The following DNAH7 variants were observed in gnomAD, a reference collection of about 807,000 sequenced individuals.
The protein encoded by DNAH7 is dynein axonemal heavy chain 7, also known as axonemal beta dynein heavy chain 7.
A neutral mutation model predicts 444.6 loss-of-function variants in DNAH7; 397 were observed. The observed-to-expected ratio is 0.89, with a 90% CI of 0.82 to 0.97. The LOEUF (loss-of-function observed/expected upper bound fraction) is 0.97. DNAH7 is among the 50% of genes least tolerant of loss of function. DNAH7 has a pLI of 0.00. For synonymous variants in DNAH7, 1,636 were observed against 1,624.4 expected (o/e 1.01, Z -0.17); for missense variants, 4,902 against 4,800.8 (o/e 1.02, Z -0.62).
intron 9 of DNAH7, among the ~76,000 whole-genome samples, chr2:196,013,594 A>G (rs1414499774): frequency 6.6e-6 from 1 of 152,204 alleles, no homozygotes; most frequent in African/African-American, 2.4e-5. Context: ...TGGTTAGTAA[A>G]TAAAACACAT....
rs1427828183 is a variant in DNAH7, at chr2:195,794,400, T to C, written c.10654A>G (p.Ile3552Val). 4.3e-6 allele frequency: 7 copies of C among 1,614,158 alleles called. No homozygotes were observed. The highest frequency in any genetic ancestry group is 3.3e-5 in the Admixed American group (2 of 60,024). Residue 3552 changes from isoleucine to valine, a missense_variant, in exon 57 of 65, where the codon ATT becomes GTT. Ile to Val is a conservative substitution (Grantham distance 29). Transcript: ENST00000312428. ...ATCGGGTCCATGAGGTATGATCGAA[T>C]GATATTAGCCCGTAAACCTTTTGGT... ...EAPKGLRANI[I>V]RSYLMDPISD...
At position 195,884,597 on chromosome 2, in the gene DNAH7, T is replaced by G; in HGVS notation, c.5751A>C (p.Gln1917His). The G allele has an allele frequency of 6.2e-7, 1 of 1,613,752 alleles. No homozygotes were observed. Among genetic ancestry groups the G allele is most frequent in the Non-Finnish European group, 8.5e-7 (1 of 1,179,712 alleles). Residue 1917 changes from glutamine to histidine, a missense_variant, in exon 35 of 65, where the codon CAA becomes CAC. Transcript: ENST00000312428. ...TCAGAACTCTTACCTCAGTGACAAA[T>G]TGATAATCATAAATTGTTCCTTTTT... ...FPEKGTIYDYQFVTEGIGKWE... is the reference protein window; with the variant it reads ...FPEKGTIYDYHFVTEGIGKWE...
At chr2:195,889,679 AT>A (rs1644253439) in intron 31 of DNAH7, among the ~76,000 whole-genome samples, 2 of 152,228 alleles carry the variant, frequency 1.3e-5, no homozygotes, top group South Asian at 2.1e-4. Flanking sequence ...TAAGTAAAAA[AT>A]ATCTACTTTC....
chr2:195,936,996 C>G (rs987230060), intron 19 of DNAH7, among the ~76,000 whole-genome samples: 17 of 151,988 alleles, frequency 1.1e-4, no homozygotes, highest in Non-Finnish European at 2.9e-5. Context: ...TTGATTTAAT[C>G]CTCAGCCCTG....
intron 61 of DNAH7, among the ~76,000 whole-genome samples, chr2:195,764,593 T>C (rs1694488478): frequency 2.0e-5 from 3 of 151,878 alleles, no homozygotes; most frequent in South Asian, 4.2e-4. Context: ...ATGCCAAGAG[T>C]GAACAATCTG....
chr2:195,763,061 T>G (rs918842859), intron 61 of DNAH7, among the ~76,000 whole-genome samples: 2 of 152,132 alleles, frequency 1.3e-5, no homozygotes, highest in South Asian at 4.1e-4. Flanking sequence ...AAGAGGAATT[T>G]TGGAAACTAT....
rs117129672 is a variant in DNAH7 at position 196,032,247 on chromosome 2, A to G, written c.399-4200T>C. ...CGGGAGAAACCATCCCCATGATTCA[A>G]TTATGTCCCACCAGGTCTCTCCCAC... On this transcript the variant is annotated intron_variant, in intron 5 of 64. Transcript: ENST00000312428. Among the ~76,000 whole-genome samples, 2,981 of 152,286 alleles carry G rather than the reference A, an allele frequency of 0.02. 248 individuals carry two copies. The East Asian group carries it at 0.27, about 14-fold the overall frequency.
chr2:195,917,803 C>A (rs988461448), intron 24 of DNAH7, among the ~76,000 whole-genome samples: 1 of 152,254 alleles, frequency 6.6e-6, no homozygotes, highest in African/African-American at 2.4e-5. Flanking sequence ...TAAAGGTGTG[C>A]ACCACCATAC....
chr2:195,940,592 C>T (rs1355654281), intron 19 of DNAH7, among the ~76,000 whole-genome samples: 3 of 152,078 alleles, frequency 2.0e-5, no homozygotes, highest in East Asian at 1.9e-4. Flanking sequence ...GAACAGGCAA[C>T]CTACAGAATG....
chr2:196,045,132 T>A (rs1170555801), intron 5 of DNAH7, among the ~76,000 whole-genome samples: 175 of 98,230 alleles, frequency 1.8e-3, no homozygotes, highest in Middle Eastern at 6.8e-3. Flanking sequence ...GAAGAGGAGA[T>A]GGAGGAGGAG....
intron 27 of DNAH7, among the ~76,000 whole-genome samples, chr2:195,906,021 T>G (rs1016151006): frequency 1.3e-5 from 2 of 152,072 alleles, no homozygotes; most frequent in Admixed American, 1.3e-4. Context: ...TACAGTTCAG[T>G]AAATGTATTA....
At chr2:196,027,256 AGTTT>A (rs1394044636) in intron 6 of DNAH7, among the ~76,000 whole-genome samples, 1 of 151,974 alleles carries the variant, frequency 6.6e-6, no homozygotes, top group Non-Finnish European at 1.5e-5. Context: ...ATGATTTGTT[AGTTT>A]TTCTCTTTTT....
chr2:195,895,412 T>C lies in DNAH7; in HGVS notation c.4648-188A>G, dbSNP rs1046624833. On this transcript the variant is annotated intron_variant, in intron 29 of 64. Coordinates refer to ENST00000312428, the MANE Select transcript of DNAH7 (RefSeq NM_018897.3). ...TTTTTCAATTTTTAAATTGTGATCC[T>C]TATGATGTTCGTTTTGCAAACAGTT... Among the ~76,000 whole-genome samples, 29 of 152,188 alleles carry C rather than the reference T, an allele frequency of 1.9e-4. 1 individual carries two copies. The highest frequency in any genetic ancestry group is 1.6e-3 in the Admixed American group (24 of 15,276).
chr2:196,004,731 C>A (rs1415415101), intron 10 of DNAH7, among the ~76,000 whole-genome samples: 2 of 151,682 alleles, frequency 1.3e-5, no homozygotes, highest in South Asian at 2.1e-4. Flanking sequence ...GGGACGATTT[C>A]TTGAGTCCAG....
chr2:195,837,973 T>C (rs1015515012), intron 47 of DNAH7, among the ~76,000 whole-genome samples: 3 of 152,094 alleles, frequency 2.0e-5, no homozygotes, highest in Admixed American at 6.6e-5. Context: ...CCCTGGGATA[T>C]GGAAAGTGGG....
intron 15 of DNAH7, among the ~76,000 whole-genome samples, chr2:195,977,934 C>T (rs1692311531): frequency 1.3e-5 from 2 of 152,118 alleles, no homozygotes; most frequent in Non-Finnish European, 2.9e-5. Context: ...GAAGAACTTT[C>T]CCAGACAAAC....
intron 40 of DNAH7, among the ~76,000 whole-genome samples, chr2:195,870,589 C>T (rs577683631): frequency 6.6e-6 from 1 of 152,134 alleles, no homozygotes; most frequent in Non-Finnish European, 1.5e-5. Flanking sequence ...GAAATCCTCA[C>T]CCCCAAGGTG....
At chr2:195,983,628 C>A (rs928429250) in intron 15 of DNAH7, among the ~76,000 whole-genome samples, 2 of 152,140 alleles carry the variant, frequency 1.3e-5, no homozygotes, top group Non-Finnish European at 2.9e-5. Flanking sequence ...CACTGGGGAT[C>A]ATGTTTCAAC....
At chr2:195,797,981 A>T (rs1307371245) in intron 55 of DNAH7, among the ~76,000 whole-genome samples, 1 of 152,244 alleles carries the variant, frequency 6.6e-6, no homozygotes, top group African/African-American at 2.4e-5. Flanking sequence ...AATTACACTC[A>T]TGCAAAAATA....
Sources: gnomAD v4.1 joint callset for allele counts (sites outside exome capture counted in the v4.1 genomes callset) on GRCh38, gnomAD v4.1.1 for gene constraint, MANE v1.5 for transcripts, NCBI Gene and HGNC (gene_info 2026-07-23, HGNC 2026-07-21) for gene names.